The following WDPCP variants were observed in gnomAD, a reference collection of about 807,000 sequenced individuals.
WDPCP encodes the protein WD repeat-containing and planar cell polarity effector protein fritz homolog.
In WDPCP, 71 loss-of-function variants were observed where a neutral mutation model predicts 93.1. The ratio of observed to expected loss-of-function variants is 0.76; its 90% CI spans 0.63 to 0.93. The LOEUF (loss-of-function observed/expected upper bound fraction) is 0.93. WDPCP is among the 40% of genes least tolerant of loss of function. The probability of loss-of-function intolerance (pLI) is 0.00; values close to 1 mark genes in which losing one functional copy is unlikely to be tolerated. For synonymous variants in WDPCP, 315 were observed against 315.0 expected, an observed-to-expected ratio of 1.00 and a Z score of 0.00; for missense variants, 844 against 887.4, an observed-to-expected ratio of 0.95 and a Z score of 0.62.
intron 1 of WDPCP, among the ~76,000 whole-genome samples, chr2:63,540,927 T>C (rs1350661950): frequency 2.0e-5 from 3 of 151,810 alleles, no homozygotes; most frequent in African/African-American, 7.3e-5. Context: ...TGTTTTTCTG[T>C]TTTTGTTTTG....
At chr2:63,755,405 A>G (rs1558902884) in intron 2 of WDPCP, among the ~76,000 whole-genome samples, 2 of 152,204 alleles carry the variant, frequency 1.3e-5, no homozygotes, top group Non-Finnish European at 2.9e-5. Context: ...GACATGTCGT[A>G]TAGTTGGTTA....
intron 2 of WDPCP, among the ~76,000 whole-genome samples, chr2:63,489,834 T>G (rs779166092): frequency 6.6e-6 from 1 of 152,062 alleles, no homozygotes; most frequent in Non-Finnish European, 1.5e-5. Flanking sequence ...GATATTTACA[T>G]AATTTCAAGG....
intron 13 of WDPCP, among the ~76,000 whole-genome samples, chr2:63,270,353 C>G (rs1268869211): frequency 6.6e-6 from 1 of 151,996 alleles, no homozygotes; most frequent in African/African-American, 2.4e-5. Flanking sequence ...AAACCAAGTG[C>G]TTCCTTTCAG....
chr2:63,249,587 C>G (rs1333376149), intron 14 of WDPCP, among the ~76,000 whole-genome samples: 1 of 152,146 alleles, frequency 6.6e-6, no homozygotes, highest in Admixed American at 6.6e-5. Context: ...TGAGACATTA[C>G]CAGCTGCACA....
chr2:63,692,745 A>T (rs1668908253), intron 2 of WDPCP, among the ~76,000 whole-genome samples: 1 of 152,218 alleles, frequency 6.6e-6, no homozygotes, highest in Non-Finnish European at 1.5e-5. Flanking sequence ...TCTAGGAATA[A>T]ATATATACAT....
Position 63,153,526 on chromosome 2 carries a change from T to A in WDPCP, c.2127A>T (p.Gly709=), listed in dbSNP as rs768479592. The A allele has an allele frequency of 6.2e-7, 1 of 1,612,596 alleles. No homozygotes were observed. Among genetic ancestry groups the A allele is most frequent in the Admixed American group, 1.7e-5 (1 of 59,922 alleles). Residue 709 remains glycine, a synonymous_variant, in exon 16 of 18, where the codon GGA becomes GGT. Coordinates refer to ENST00000272321, the MANE Select transcript of WDPCP (RefSeq NM_015910.7). The part of the protein sequence containing the change: ...RNELEKDICS[G]FLMTNTCNAE... ...CATTACAGGTATTAGTCATCAAAAA[T>A]CCAGAACAGATGTCTTTTTCAAGTT...
chr2:63,131,300 A>AT lies in WDPCP; in HGVS notation c.2191-9245dup, dbSNP rs200707392. Among the ~76,000 whole-genome samples the AT allele has an allele frequency of 4.2e-3, 603 of 144,910 alleles. 1 individual carries two copies. The highest frequency in any genetic ancestry group is 5.8e-3 in the Non-Finnish European group (380 of 65,510). ...ACTGCCCTCCCTTTGTAATCCATTG[A>AT]TTTTTTTTTATAGTGACATACTTTG... On this transcript the variant is annotated intron_variant, in intron 17 of 17. Coordinates refer to ENST00000272321, the MANE Select transcript of WDPCP (RefSeq NM_015910.7).
chr2:63,793,431 G>A (rs958725104), intron 2 of WDPCP, among the ~76,000 whole-genome samples: 1 of 152,128 alleles, frequency 6.6e-6, no homozygotes, highest in East Asian at 1.9e-4. Context: ...AAAATAGCAA[G>A]ATCCCATCTC....
chr2:63,709,256 A>T (rs1669223705), intron 2 of WDPCP, among the ~76,000 whole-genome samples: 1 of 151,640 alleles, frequency 6.6e-6, no homozygotes, highest in Non-Finnish European at 1.5e-5. Context: ...TGGAGGTTGC[A>T]GTGAGCCAAG....
chr2:63,541,529 T>A (rs1704726218), intron 1 of WDPCP, among the ~76,000 whole-genome samples: 1 of 152,204 alleles, frequency 6.6e-6, no homozygotes, highest in African/African-American at 2.4e-5. Context: ...AAACCATTTA[T>A]CATAATGAAA....
intron 17 of WDPCP, among the ~76,000 whole-genome samples, chr2:63,141,568 G>T (rs1400277990): frequency 6.6e-6 from 1 of 152,166 alleles, no homozygotes; most frequent in South Asian, 2.1e-4. Flanking sequence ...AAGGATATCG[G>T]TCTATAGTTT....
chr2:63,195,839 C>G (rs887165346), intron 14 of WDPCP, among the ~76,000 whole-genome samples: 14 of 151,850 alleles, frequency 9.2e-5, no homozygotes, highest in Non-Finnish European at 1.6e-4. Flanking sequence ...ACTTATAGAC[C>G]ATACATGGAA....
chr2:63,174,978 A>G (rs760633409), intron 14 of WDPCP, 146 bp from the exon 15 acceptor site: 23 of 800,740 alleles, frequency 2.9e-5, no homozygotes, highest in Non-Finnish European at 3.7e-5. Context: ...CTAGTTCCCT[A>G]TGACTTCTGT....
chr2:63,557,167 G>A (rs891895079), intron 1 of WDPCP, among the ~76,000 whole-genome samples: 6 of 151,848 alleles, frequency 4.0e-5, no homozygotes, highest in South Asian at 4.2e-4. Context: ...TCATTTAACC[G>A]TAAATGTAAA....
At chr2:63,734,238 T>A (rs191085313) in intron 2 of WDPCP, among the ~76,000 whole-genome samples, 2 of 152,304 alleles carry the variant, frequency 1.3e-5, no homozygotes, top group Admixed American at 1.3e-4. Context: ...CTAGACAAAT[T>A]CCAAGTATGT....
chr2:63,236,257 A>C (rs1482811538), intron 14 of WDPCP, among the ~76,000 whole-genome samples: 1 of 152,164 alleles, frequency 6.6e-6, no homozygotes, highest in Non-Finnish European at 1.5e-5. Context: ...TAAAATACTT[A>C]AGAATACACC....
At chr2:63,443,328 T>C (rs550366378) in intron 6 of WDPCP, 1 of 152,316 alleles carries the variant, frequency 6.6e-6, no homozygotes, top group East Asian at 1.9e-4. Flanking sequence ...GGTGCTACTT[T>C]AAGCAAGATG....
At chr2:63,464,614 C>G (rs1699226934) in intron 6 of WDPCP, among the ~76,000 whole-genome samples, 1 of 151,524 alleles carries the variant, frequency 6.6e-6, no homozygotes. Context: ...TTCACAAACT[C>G]TAAGAGGTGG....
At position 63,571,264 on chromosome 2, in the gene WDPCP, T is replaced by C. The variant is rs1707477052; in HGVS notation, c.75+16933A>G. On this transcript the variant is annotated intron_variant, in intron 1 of 17. Coordinates refer to ENST00000272321, the MANE Select transcript of WDPCP (RefSeq NM_015910.7). ...TCACTTTCCTCATGTGTAAAATAAA[T>C]CAGTGTACTATATTTACATATGCCA... The C allele has an allele frequency of 1.5e-5, 6 of 402,354 alleles. No homozygotes were observed. In the Admixed American group the frequency reaches 1.9e-4, roughly 13 times the overall value. The allele number at this position is 402,354 out of a possible 1,614,324, so 24.9% of individuals were successfully genotyped here.
Sources: allele counts gnomAD v4.1 joint callset (sites outside exome capture counted in the v4.1 genomes callset), GRCh38; gene constraint gnomAD v4.1.1; transcripts MANE v1.5; gene names NCBI Gene and HGNC (gene_info 2026-07-23, HGNC 2026-07-21).